DRGX: variants seen among roughly 807,000 people sequenced by gnomAD.
The protein encoded by DRGX is dorsal root ganglia homeobox.
DRGX carries 21 observed loss-of-function variants against 28.6 expected under a neutral mutation model. The observed-to-expected ratio is 0.73, with a 90% CI of 0.52 to 1.06. DRGX has a LOEUF of 1.06. DRGX is among the 50% of genes least tolerant of loss of function. The pLI, the probability that DRGX is intolerant of heterozygous loss-of-function variation, is 0.00. For synonymous variants in DRGX, 136 were observed against 139.1 expected (o/e 0.98, Z 0.16); for missense variants, 354 against 343.9 (o/e 1.03, Z -0.23).
Position 49,395,620 on chromosome 10 carries a change from C to T in DRGX, c.-81-99G>A, listed in dbSNP as rs1304069248. The T allele has an allele frequency of 4.3e-6, 3 of 703,222 alleles. No homozygotes were observed. The Admixed American group carries it at 6.9e-5, about 16-fold the overall frequency. The allele number at this position is 703,222 out of a possible 1,614,324, so 43.6% of individuals were successfully genotyped here. ...GCGCTCCCCTCCTGGAAAGTCCCTC[C>T]CAACGCCCTCATCTCACTGCGGGGG... On this transcript the variant is annotated intron_variant, in intron 1 of 6. Coordinates refer to ENST00000374139, the MANE Select transcript of DRGX (RefSeq NM_001276451.2).
At chr10:49,393,163 C>G (rs185166095) in intron 2 of DRGX, among the ~76,000 whole-genome samples, 2 of 152,116 alleles carry the variant, frequency 1.3e-5, no homozygotes, top group African/African-American at 4.8e-5. Flanking sequence ...TCAGCAGATG[C>G]TTTCTTCACA....
chr10:49,394,873 G>C (rs1478096661), intron 2 of DRGX, among the ~76,000 whole-genome samples: 1 of 152,232 alleles, frequency 6.6e-6, no homozygotes, highest in Non-Finnish European at 1.5e-5. Flanking sequence ...TGGTTCCAGG[G>C]ACGGCCAGGA....
Position 49,386,499 on chromosome 10 carries a change from A to T in DRGX, c.505T>A (p.Ser169Thr). 1.3e-6 allele frequency: 2 copies of T among 1,581,264 alleles called. No individual in the cohort carries two copies. Among genetic ancestry groups the T allele is most frequent in the African/African-American group, 2.7e-5 (2 of 74,290 alleles). The change falls in exon 6 of 7, where the codon TCC becomes ACC. Residue 169 changes from serine (S) to threonine (T), a missense_variant. Coordinates refer to ENST00000374139, the MANE Select transcript of DRGX (RefSeq NM_001276451.2). ...LNTATYAQAL[S>T]HVASLKGGPL... ...TCACCTTTGAGGGAAGCCACATGGG[A>T]CAAGGCCTGGGCGTAGGTGGCCGTG...
chr10:49,390,962 C>T (rs1849896253), intron 3 of DRGX, among the ~76,000 whole-genome samples: 1 of 152,210 alleles, frequency 6.6e-6, no homozygotes, highest in African/African-American at 2.4e-5. Flanking sequence ...TGCCTCTTCA[C>T]TCATCTGGGA....
intron 4 of DRGX, among the ~76,000 whole-genome samples, chr10:49,387,912 G>T (rs1319195207): frequency 6.6e-6 from 1 of 152,172 alleles, no homozygotes; most frequent in Non-Finnish European, 1.5e-5. Flanking sequence ...TGGCTTGGCT[G>T]GGAACTGTGA....
At position 49,389,397 on chromosome 10, in the gene DRGX, G is replaced by A. The variant is rs878979144; in HGVS notation, c.234+736C>T. Among the ~76,000 whole-genome samples the A allele has an allele frequency of 2.0e-5, 3 of 152,118 alleles. No homozygotes were observed. The South Asian group carries it at 6.2e-4, about 32-fold the overall frequency. ...CATAAAAAAGAACAGAAACAGCATG[G>A]AGGAAACCCCATAAATAAAATGAAT... On this transcript the variant is annotated intron_variant, in intron 4 of 6. Coordinates refer to ENST00000374139, the MANE Select transcript of DRGX (RefSeq NM_001276451.2).
rs1849886540 is a variant in DRGX at position 49,390,250 on chromosome 10, A to G, written c.133-16T>C. On this transcript the variant is annotated splice_polypyrimidine_tract_variant and intron_variant, in intron 3 of 6. Transcript: ENST00000374139. ...GAGCTTCCAGCTGGTAAAAGGAAAA[A>G]ATATGTACTGGTGAGAGGCTGTGGC... The G allele has an allele frequency of 1.3e-6, 2 of 1,597,880 alleles. No individual in the cohort carries two copies. The highest frequency in any genetic ancestry group is 2.7e-5 in the African/African-American group (2 of 74,728).
chr10:49,388,176 C>T lies in DRGX; in HGVS notation c.235-1318G>A, dbSNP rs368984584. Among the ~76,000 whole-genome samples the T allele has an allele frequency of 1.7e-4, 26 of 152,344 alleles. No individual in the cohort carries two copies. In the East Asian group the frequency reaches 2.7e-3, roughly 16 times the overall value. On this transcript the variant is annotated intron_variant, in intron 4 of 6. Transcript: ENST00000374139. ...AAAATTGTATTCTGTAGGATGGCCT[C>T]ATGGAAGCTGGGCAGCCCAGATTCA...
chr10:49,391,968 C>T, intron 2 of DRGX: 1 of 446,798 alleles, frequency 2.2e-6, no homozygotes, highest in South Asian at 1.7e-5. Context: ...GGCACCCCAC[C>T]CTCTGGCCAA....
intron 2 of DRGX, among the ~76,000 whole-genome samples, chr10:49,393,123 GA>G (rs1849928283): frequency 2.0e-5 from 3 of 151,904 alleles, no homozygotes; most frequent in East Asian, 1.9e-4. Context: ...TACTGTAGTT[GA>G]AAAAAAATGA....
intron 6 of DRGX, among the ~76,000 whole-genome samples, chr10:49,366,971 T>A (rs1365159433): frequency 1.3e-5 from 2 of 152,158 alleles, no homozygotes; most frequent in African/African-American, 4.8e-5. Flanking sequence ...ATAAAATGTG[T>A]GTGGTGGAGT....
At chr10:49,390,443 T>G (rs1849890161) in intron 3 of DRGX, among the ~76,000 whole-genome samples, 1 of 152,208 alleles carries the variant, frequency 6.6e-6, no homozygotes, top group African/African-American at 2.4e-5. Flanking sequence ...ACTAGCAACC[T>G]CAGTGCTCTG....
Position 49,372,267 on chromosome 10 carries a change from C to G in DRGX, c.527-5886G>C, listed in dbSNP as rs917423132. 2.6e-5 allele frequency among the ~76,000 whole-genome samples: 4 copies of G among 152,298 alleles called. No individual in the cohort carries two copies. The South Asian group carries it at 8.3e-4, about 32-fold the overall frequency. On this transcript the variant is annotated intron_variant, in intron 6 of 6. Coordinates refer to ENST00000374139, the MANE Select transcript of DRGX (RefSeq NM_001276451.2). Reference sequence around the variant, plus strand: ...CAAACACACTTAGAAAAGGTCTACCCTAAAACCAAGTCATCATTATGGAAA... The same window carrying G: ...CAAACACACTTAGAAAAGGTCTACCGTAAAACCAAGTCATCATTATGGAAA...
chr10:49,389,617 A>T (rs1440419425), intron 4 of DRGX, among the ~76,000 whole-genome samples: 1 of 152,152 alleles, frequency 6.6e-6, no homozygotes, highest in Non-Finnish European at 1.5e-5. Flanking sequence ...CAGCCCTATC[A>T]CTACTGCTGT....
At chr10:49,373,371 G>A (rs1310490611) in intron 6 of DRGX, among the ~76,000 whole-genome samples, 1 of 152,184 alleles carries the variant, frequency 6.6e-6, no homozygotes, top group Non-Finnish European at 1.5e-5. Flanking sequence ...TCATCAGTAA[G>A]TCAACATGAA....
Position 49,364,519 on chromosome 10 carries a change from T to C in DRGX, c.*1597A>G, listed in dbSNP as rs2132465135. 6.6e-6 allele frequency: 1 copy of C among 152,340 alleles called. No individual in the cohort carries two copies. The highest frequency in any genetic ancestry group is 2.1e-4 in the South Asian group (1 of 4,828). The allele number at this position is 152,340 out of a possible 1,614,324, so 9.4% of individuals were successfully genotyped here. ...ATACGAGTTTAATCAAACAATTAGATTGAAGAGTTAGTGTACATAAGGGCT... is the reference window on the plus strand; with the variant it reads ...ATACGAGTTTAATCAAACAATTAGACTGAAGAGTTAGTGTACATAAGGGCT... On this transcript the variant is annotated 3_prime_UTR_variant, in exon 7 of 7. Coordinates refer to ENST00000374139, the MANE Select transcript of DRGX (RefSeq NM_001276451.2).
chr10:49,396,082 T>A lies in DRGX; in HGVS notation c.-229A>T, dbSNP rs1429471090. The A allele has an allele frequency of 6.6e-6, 1 of 152,608 alleles. No individual in the cohort carries two copies. Among genetic ancestry groups the A allele is most frequent in the East Asian group, 1.9e-4 (1 of 5,176 alleles). 9.5% of individuals were successfully genotyped at this position (152,608 alleles called of 1,614,324 possible). ...AAGTGGCCAGATGTCTTGCTGTCTG[T>A]CTGCAGCGCGCGCCGCCGCTCAGCA... On this transcript the variant is annotated 5_prime_UTR_variant, in exon 1 of 7. Coordinates refer to ENST00000374139, the MANE Select transcript of DRGX (RefSeq NM_001276451.2).
At chr10:49,393,497 T>G (rs554373343) in intron 2 of DRGX, among the ~76,000 whole-genome samples, 2 of 152,372 alleles carry the variant, frequency 1.3e-5, no homozygotes, top group Admixed American at 6.5e-5. Flanking sequence ...TACTTTTTAA[T>G]GTAACATCAG....
chr10:49,389,665 C>T (rs1419465170), intron 4 of DRGX, among the ~76,000 whole-genome samples: 1 of 152,142 alleles, frequency 6.6e-6, no homozygotes, highest in African/African-American at 2.4e-5. Flanking sequence ...TTTGGATCCA[C>T]TTTGTTGAAA....
Sources: gnomAD v4.1 joint callset for allele counts (sites outside exome capture counted in the v4.1 genomes callset) on GRCh38, gnomAD v4.1.1 for gene constraint, MANE v1.5 for transcripts, NCBI Gene and HGNC (gene_info 2026-07-23, HGNC 2026-07-21) for gene names.